SLC26A8: variants seen among roughly 807,000 people sequenced by gnomAD.
SLC26A8 encodes solute carrier family 26 member 8.
In SLC26A8, 70 loss-of-function variants were observed where a neutral mutation model predicts 105.0. The observed-to-expected ratio is 0.67, with a 90% CI of 0.55 to 0.81. The LOEUF (loss-of-function observed/expected upper bound fraction) is 0.81. Among genes scored for constraint, SLC26A8 ranks in the 40% least tolerant of loss-of-function variants. The pLI is 0.00. For synonymous variants in SLC26A8, 415 were observed against 438.3 expected, an observed-to-expected ratio of 0.95 and a Z score of 0.66; for missense variants, 998 against 1,181.8, an observed-to-expected ratio of 0.84 and a Z score of 2.28.
Position 35,955,354 on chromosome 6 carries a change from T to C in SLC26A8, c.2030A>G (p.Tyr677Cys). 6.2e-7 allele frequency: 1 copy of C among 1,614,246 alleles called. No individual in the cohort carries two copies. The highest frequency in any genetic ancestry group is 8.5e-7 in the Non-Finnish European group (1 of 1,180,042). Reference protein sequence around the residue: ...SVSQKNQGQQYEEVEEVWLPN... With the variant: ...SVSQKNQGQQCEEVEEVWLPN... ...AAGCCAAACTTCCTCCACCTCCTCA[T>C]ACTGTTGCCCTTGATTTTTCTGAGA... The change falls in exon 17 of 20, where the codon TAT becomes TGT. Residue 677 changes from tyrosine to cysteine, a missense_variant. Transcript: ENST00000490799.
chr6:36,024,308 C>T (rs1440128552), intron 1 of SLC26A8, 196 bp downstream of exon 1: 1 of 367,648 alleles, frequency 2.7e-6, no homozygotes, highest in Non-Finnish European at 5.4e-6. Context: ...ATCCACACGG[C>T]CTTTGAAAGT....
intron 19 of SLC26A8, among the ~76,000 whole-genome samples, chr6:35,946,398 G>A (rs553471703): frequency 2.0e-5 from 3 of 152,144 alleles, no homozygotes; most frequent in Non-Finnish European, 4.4e-5. Flanking sequence ...CACCACACCC[G>A]ACTAATTTTC....
intron 16 of SLC26A8, among the ~76,000 whole-genome samples, chr6:35,956,252 G>A (rs929733478): frequency 4.0e-5 from 6 of 151,534 alleles, no homozygotes; most frequent in African/African-American, 1.5e-4. Context: ...GTGACACAGT[G>A]AGACCCTGTC....
chr6:36,013,976 C>T (rs1176222604), intron 2 of SLC26A8, among the ~76,000 whole-genome samples: 1 of 152,138 alleles, frequency 6.6e-6, no homozygotes, highest in Non-Finnish European at 1.5e-5. Context: ...TGATTTCTAG[C>T]TCAGTGTTCT....
At chr6:36,022,109 G>A (rs767747338) in intron 1 of SLC26A8, among the ~76,000 whole-genome samples, 27 of 152,170 alleles carry the variant, frequency 1.8e-4, no homozygotes, top group Non-Finnish European at 7.3e-5. Context: ...TGGGATTACA[G>A]GCATGTGCCA....
At position 35,998,049 on chromosome 6, in the gene SLC26A8, T is replaced by C. The variant is rs900611582; in HGVS notation, c.446-130A>G. 29 of 825,154 alleles carry C rather than the reference T, an allele frequency of 3.5e-5. 1 individual carries two copies. Among genetic ancestry groups the C allele is most frequent in the Non-Finnish European group, 7.6e-6 (4 of 528,202 alleles). 51.1% of individuals were successfully genotyped at this position (825,154 alleles called of 1,614,324 possible). The stretch of plus-strand genomic sequence containing the variant: ...AACTTTTCTCATTTGAAAGTGGCCA[T>C]TGAGAAGTAAGAAAAATCAAAAAAG... On this transcript the variant is annotated intron_variant, in intron 4 of 19. Coordinates refer to ENST00000490799, the MANE Select transcript of SLC26A8 (RefSeq NM_052961.4).
chr6:35,990,727 C>T (rs1761118856), intron 7 of SLC26A8, among the ~76,000 whole-genome samples: 1 of 152,066 alleles, frequency 6.6e-6, no homozygotes, highest in South Asian at 2.1e-4. Flanking sequence ...TGAGGCTAGG[C>T]CTGTCATATG....
At chr6:35,953,546 G>A (rs948930178) in intron 17 of SLC26A8, among the ~76,000 whole-genome samples, 1 of 152,168 alleles carries the variant, frequency 6.6e-6, no homozygotes, top group Non-Finnish European at 1.5e-5. Flanking sequence ...AACGTGGGCT[G>A]AATAAAATCT....
rs1028172205 is a variant in SLC26A8 at position 36,019,848 on chromosome 6, C to T, written c.-2-139G>A. The stretch of plus-strand genomic sequence containing the variant: ...CTTTCAGTTGTAAAAAACTCTTTCT[C>T]AAAGTTGTATAATTTTATGTGTATT... On this transcript the variant is annotated intron_variant, in intron 1 of 19. Transcript: ENST00000490799. 34 of 807,616 alleles carry T rather than the reference C, an allele frequency of 4.2e-5. No homozygotes were observed. In the African/African-American group the frequency reaches 5.1e-4, roughly 12 times the overall value. The allele number at this position is 807,616 out of a possible 1,614,324, so 50.0% of individuals were successfully genotyped here.
At chr6:35,994,396 G>T (rs1761287965) in intron 5 of SLC26A8, among the ~76,000 whole-genome samples, 1 of 152,006 alleles carries the variant, frequency 6.6e-6, no homozygotes, top group African/African-American at 2.4e-5. Flanking sequence ...TTACAGGCGT[G>T]AGCCACTGCG....
intron 2 of SLC26A8, among the ~76,000 whole-genome samples, chr6:36,014,695 T>C (rs1383445232): frequency 6.6e-6 from 1 of 151,888 alleles, no homozygotes; most frequent in Non-Finnish European, 1.5e-5. Context: ...GCCTGGCCAA[T>C]ATGGCGAAAC....
At chr6:36,017,595 G>A (rs543563174) in intron 2 of SLC26A8, among the ~76,000 whole-genome samples, 3 of 152,124 alleles carry the variant, frequency 2.0e-5, no homozygotes, top group African/African-American at 7.2e-5. Context: ...TCATGCCATC[G>A]CACTCCAGCC....
intron 7 of SLC26A8, among the ~76,000 whole-genome samples, chr6:35,989,135 C>T (rs1451201431): frequency 1.3e-5 from 2 of 152,084 alleles, no homozygotes; most frequent in Admixed American, 6.6e-5. Context: ...CCACCGCACC[C>T]GGCCAGTTCT....
At position 36,012,280 on chromosome 6, in the gene SLC26A8, C is replaced by T; in HGVS notation, c.281G>A (p.Gly94Glu). The T allele has an allele frequency of 6.2e-7, 1 of 1,612,048 alleles. No individual in the cohort carries two copies. The highest frequency in any genetic ancestry group is 8.5e-7 in the Non-Finnish European group (1 of 1,179,446). The change falls in exon 3 of 20, where the codon GGA (glycine) becomes GAA (glutamate). Residue 94 changes from glycine to glutamate, a missense_variant. Coordinates refer to ENST00000490799, the MANE Select transcript of SLC26A8 (RefSeq NM_052961.4). ...CMYRLKDWLLGDLLAGISVGL... is the reference protein window; with the variant it reads ...CMYRLKDWLLEDLLAGISVGL... ...AACACTTATACCAGCAAGTAAGTCTCCCAGAAGCCAATCCTTTAATCGATA... is the reference window on the plus strand; with the variant it reads ...AACACTTATACCAGCAAGTAAGTCTTCCAGAAGCCAATCCTTTAATCGATA...
At chr6:36,002,731 G>T (rs1761560108) in intron 3 of SLC26A8, among the ~76,000 whole-genome samples, 1 of 149,020 alleles carries the variant, frequency 6.7e-6, no homozygotes. Context: ...TTTTGAGATG[G>T]CATCTCTCTC....
rs1772221659 is a variant in SLC26A8, at chr6:35,959,445, A to G, written c.1863+15T>C. 3 of 1,589,124 alleles carry G rather than the reference A, an allele frequency of 1.9e-6. No individual in the cohort carries two copies. Among genetic ancestry groups the G allele is most frequent in the Non-Finnish European group, 2.6e-6 (3 of 1,173,194 alleles). Reference sequence around the variant, plus strand: ...AATATGGAGAAAAACATAGGAAAGAAAAGGCATTTCTAACCCTGGGCAGCG... The same window carrying G: ...AATATGGAGAAAAACATAGGAAAGAGAAGGCATTTCTAACCCTGGGCAGCG... On this transcript the variant is annotated intron_variant, in intron 16 of 19. Coordinates refer to ENST00000490799, the MANE Select transcript of SLC26A8 (RefSeq NM_052961.4).
chr6:35,995,648 C>T (rs139544443), intron 5 of SLC26A8, among the ~76,000 whole-genome samples: 137 of 148,594 alleles, frequency 9.2e-4, no homozygotes, highest in African/African-American at 3.1e-3. Context: ...GTGCTACAGG[C>T]GTGCACCACC....
intron 7 of SLC26A8, among the ~76,000 whole-genome samples, chr6:35,991,201 G>A (rs1325605978): frequency 6.6e-6 from 1 of 151,698 alleles, no homozygotes; most frequent in Non-Finnish European, 1.5e-5. Flanking sequence ...AGGAGTTTGC[G>A]ACCGGCCTGG....
At chr6:35,960,969 C>T (rs776133377) in intron 13 of SLC26A8, 24 bp downstream of exon 13, 3 of 1,613,628 alleles carry the variant, frequency 1.9e-6, no homozygotes, top group African/African-American at 2.7e-5. Context: ...CCTTGTTAAC[C>T]TCCTATTACC....
Sources: gnomAD v4.1 joint callset for allele counts (sites outside exome capture counted in the v4.1 genomes callset) on GRCh38, gnomAD v4.1.1 for gene constraint, MANE v1.5 for transcripts, NCBI Gene and HGNC (gene_info 2026-07-23, HGNC 2026-07-21) for gene names.